Variants in STK32C observed in about 807,000 individuals in gnomAD.
STK32C encodes the protein serine/threonine-protein kinase 32C.
Under a neutral mutation model 56.5 loss-of-function variants are expected in STK32C, and 31 were observed. The ratio of observed to expected loss-of-function variants is 0.55; its 90% CI spans 0.41 to 0.74. The LOEUF is 0.74. Ranked by LOEUF, STK32C falls within the 30% of genes least tolerant of loss-of-function variation. The probability of loss-of-function intolerance (pLI) is 0.00; values close to 1 mark genes in which losing one functional copy is unlikely to be tolerated. For synonymous variants in STK32C, 309 were observed against 289.4 expected (o/e 1.07, Z -0.69); for missense variants, 544 against 676.9 (o/e 0.80, Z 2.18).
rs558892116 is a variant in STK32C, at chr10:132,257,157, T to A, written c.263-11202A>T. The stretch of plus-strand genomic sequence containing the variant: ...CCATGAGGCTGGGTCCTCAGGGGGG[T>A]GAGGCCTGTGGATACAGGACATGCC... On this transcript the variant is annotated intron_variant, in intron 1 of 11. Coordinates refer to ENST00000298630, the MANE Select transcript of STK32C (RefSeq NM_173575.4). Among the ~76,000 whole-genome samples the A allele has an allele frequency of 5.3e-5, 8 of 151,468 alleles. No individual in the cohort carries two copies. The South Asian group carries it at 1.7e-3, about 32-fold the overall frequency.
intron 9 of STK32C, 35 bp downstream of exon 9, chr10:132,222,826 C>T (rs774685083): frequency 6.3e-7 from 1 of 1,591,534 alleles, no homozygotes; most frequent in East Asian, 2.3e-5. Context: ...ACATCCATCC[C>T]CAGGGCCCCC....
At chr10:132,221,144 GCACA>G (rs2062624751) in intron 10 of STK32C, among the ~76,000 whole-genome samples, 1 of 151,324 alleles carries the variant, frequency 6.6e-6, no homozygotes, top group Non-Finnish European at 1.5e-5. Flanking sequence ...GGCCGTCCCC[GCACA>G]CACAACCAAA....
intron 1 of STK32C, among the ~76,000 whole-genome samples, chr10:132,275,946 C>T (rs1457322858): frequency 1.3e-5 from 2 of 152,148 alleles, no homozygotes; most frequent in African/African-American, 4.8e-5. Flanking sequence ...AGCCCCCCAC[C>T]CCGCAAGTGG....
chr10:132,317,120 T>C (rs2138446109), intron 1 of STK32C, among the ~76,000 whole-genome samples: 1 of 152,316 alleles, frequency 6.6e-6, no homozygotes, highest in African/African-American at 2.4e-5. Context: ...AAATATAATT[T>C]ATCTACAAGA....
downstream of STK32C, among the ~76,000 whole-genome samples, chr10:132,323,835 G>A (rs777190567): frequency 1.3e-5 from 2 of 152,140 alleles, no homozygotes; most frequent in African/African-American, 4.8e-5. This position sits in a 1 kb window ranked among gnomAD's most constrained non-coding sequence, Gnocchi z 4.8. Flanking sequence ...CCAAGAGAAC[G>A]GCAACAGTTT....
chr10:132,227,045 C>G, intron 3 of STK32C, 77 bp from the exon 4 acceptor site: 1 of 1,524,474 alleles, frequency 6.6e-7, no homozygotes, highest in Non-Finnish European at 8.9e-7. Context: ...CTGACACACT[C>G]CCCCTAAGGA....
chr10:132,221,888 T>C (rs1471751867), intron 10 of STK32C, among the ~76,000 whole-genome samples: 35 of 63,128 alleles, frequency 5.5e-4, no homozygotes, highest in Admixed American at 1.1e-3. Flanking sequence ...ACAACTAATA[T>C]CAACGCACCT....
chr10:132,320,575 CAAG>C (rs1379187051), downstream of STK32C, among the ~76,000 whole-genome samples: 1 of 152,070 alleles, frequency 6.6e-6, no homozygotes, highest in Non-Finnish European at 1.5e-5. Context: ...TTGCTGGAGC[CAAG>C]AAGAGATCCT....
At chr10:132,265,353 C>T (rs946269658) in intron 1 of STK32C, among the ~76,000 whole-genome samples, 6 of 152,222 alleles carry the variant, frequency 3.9e-5, no homozygotes, top group Non-Finnish European at 8.8e-5. Flanking sequence ...CTGCCACACT[C>T]AGCCCAGGCC....
Position 132,208,150 on chromosome 10 carries a change from G to C in STK32C, c.1321C>G (p.Leu441Val). 1 of 1,309,974 alleles carries C rather than the reference G, an allele frequency of 7.6e-7. No homozygotes were observed. Among genetic ancestry groups the C allele is most frequent in the Non-Finnish European group, 9.8e-7 (1 of 1,021,082 alleles). The allele number at this position is 1,309,974 out of a possible 1,614,324, so 81.1% of individuals were successfully genotyped here. The change falls in exon 12 of 12, where the codon CTG (leucine) becomes GTG (valine). Residue 441 changes from leucine to valine, a missense_variant and splice_region_variant. Physicochemically the swap from Leu to Val is conservative, Grantham distance 32. Around this residue, in one of 3 missense-constraint regions of STK32C, gnomAD observed 277 missense variants for 309.3 expected, o/e 0.90. Transcript: ENST00000298630. ...QDFVIFNREKLKRSQDLPREP... is the reference protein window; with the variant it reads ...QDFVIFNREKVKRSQDLPREP... ...CTCGGGAGGTCCTGGCTCCTCTTCA[G>C]CCTGGGGTGGCAGGAACACATGGAG...
intron 1 of STK32C, among the ~76,000 whole-genome samples, chr10:132,315,136 A>G (rs1220878625): frequency 1.3e-5 from 2 of 151,608 alleles, no homozygotes; most frequent in Non-Finnish European, 2.9e-5. Context: ...TTCCATCTCA[A>G]AAAAAAAAGA....
intron 10 of STK32C, among the ~76,000 whole-genome samples, chr10:132,212,140 C>T (rs2637632): frequency 0.82 from 124,144 of 152,054 alleles, 50,837 homozygotes; most frequent in East Asian, 0.96. Context: ...GGACCCAGAA[C>T]AGTCAAATAA....
Position 132,214,780 on chromosome 10 carries a change from G to A in STK32C, c.1252-5679C>T, listed in dbSNP as rs142931764. 5.5e-3 allele frequency among the ~76,000 whole-genome samples: 834 copies of A among 152,356 alleles called. 8 individuals carry two copies. Among genetic ancestry groups the A allele is most frequent in the African/African-American group, 0.019 (797 of 41,576 alleles). ...CGTCACAAGGCATCCCACTGCACATGAGGGGGCAGAGTGTCAGGTGAAGGT... is the reference window on the plus strand; with the variant it reads ...CGTCACAAGGCATCCCACTGCACATAAGGGGGCAGAGTGTCAGGTGAAGGT... On this transcript the variant is annotated intron_variant, in intron 10 of 11. Transcript: ENST00000298630.
At chr10:132,325,864 G>C (rs534006026) in intron 1 of STK32C, among the ~76,000 whole-genome samples, 1 of 151,740 alleles carries the variant, frequency 6.6e-6, no homozygotes, top group African/African-American at 2.4e-5. Context: ...TGGGACTATC[G>C]GAGTCTGCAA....
downstream of STK32C, among the ~76,000 whole-genome samples, chr10:132,320,132 A>G (rs548855610): frequency 1.1e-3 from 161 of 152,228 alleles, 1 homozygote; most frequent in African/African-American, 3.6e-3. Flanking sequence ...GAATGATAAA[A>G]TTCTAAAACA....
Position 132,256,767 on chromosome 10 carries a change from C to A in STK32C, c.263-10812G>T, listed in dbSNP as rs987762606. On this transcript the variant is annotated intron_variant, in intron 1 of 11. Coordinates refer to ENST00000298630, the MANE Select transcript of STK32C (RefSeq NM_173575.4). Reference sequence around the variant, plus strand: ...GGGGCAGACCTGGAGGACTCCAAGGCCGCCTGGCCCTGCAGCAGCTGAGAA... The same window carrying A: ...GGGGCAGACCTGGAGGACTCCAAGGACGCCTGGCCCTGCAGCAGCTGAGAA... Among the ~76,000 whole-genome samples the A allele has an allele frequency of 9.8e-5, 15 of 152,342 alleles. No homozygotes were observed. The East Asian group carries it at 2.9e-3, about 29-fold the overall frequency.
At position 132,290,265 on chromosome 10, in the gene STK32C, C is replaced by T. The variant is rs184260452; in HGVS notation, c.262+17307G>A. 9.5e-3 allele frequency among the ~76,000 whole-genome samples: 1,451 copies of T among 152,330 alleles called. 13 individuals are homozygous for T. The highest frequency in any genetic ancestry group is 0.015 in the Non-Finnish European group (1,041 of 68,020). ...TGTGCAACACTCATGGTCAAAACGCCCAACCTCCATGTGCCCAGCTCCCTT... is the reference window on the plus strand; with the variant it reads ...TGTGCAACACTCATGGTCAAAACGCTCAACCTCCATGTGCCCAGCTCCCTT... On this transcript the variant is annotated intron_variant, in intron 1 of 11. Coordinates refer to ENST00000298630, the MANE Select transcript of STK32C (RefSeq NM_173575.4).
In STK32C at chr10:132,330,645, C is replaced by T. The variant is rs143262715; in HGVS notation, c.301+791G>A. Among the ~76,000 whole-genome samples the T allele has an allele frequency of 3.3e-5, 5 of 149,812 alleles. No homozygotes were observed. In the East Asian group the frequency reaches 1.0e-3, roughly 30 times the overall value. ...GCCTCACCCTCCCACACAGCTGGAA[C>T]TACAGGTGTGTGCCACCACACCCAG... On this transcript the variant is annotated intron_variant, in intron 1 of 1. Coordinates refer to the STK32C transcript ENST00000368619.
At chr10:132,250,101 ACTC>A (rs906005463) in intron 1 of STK32C, among the ~76,000 whole-genome samples, 16 of 152,124 alleles carry the variant, frequency 1.1e-4, no homozygotes, top group Admixed American at 4.6e-4. Context: ...AGTCCATCAA[ACTC>A]CTCTCATGAG....
Sources: allele counts gnomAD v4.1 joint callset (sites outside exome capture counted in the v4.1 genomes callset), GRCh38; gene constraint gnomAD v4.1.1; regional missense constraint gnomAD v4.1.1; non-coding constraint Gnocchi (gnomAD v3.1); transcripts MANE v1.5; gene names NCBI Gene and HGNC (gene_info 2026-07-23, HGNC 2026-07-21).